Variants in SLC25A26 observed in about 807,000 individuals in gnomAD.
SLC25A26 encodes mitochondrial S-adenosylmethionine carrier protein.
SLC25A26 carries 36 observed loss-of-function variants against 37.8 expected under a neutral mutation model. The observed-to-expected ratio is 0.95, with a 90% CI of 0.73 to 1.26. The LOEUF (loss-of-function observed/expected upper bound fraction) is 1.26, where lower values mean the gene tolerates loss of function less well. SLC25A26 is among the 50% of genes most tolerant of loss of function. SLC25A26 has a pLI of 0.00. For synonymous variants in SLC25A26, 129 were observed against 122.5 expected, an observed-to-expected ratio of 1.05 and a Z score of -0.35; for missense variants, 390 against 331.1, an observed-to-expected ratio of 1.18 and a Z score of -1.38.
At chr3:66,318,295 C>T (rs1245537475) in intron 5 of SLC25A26, among the ~76,000 whole-genome samples, 1 of 152,144 alleles carries the variant, frequency 6.6e-6, no homozygotes, top group Non-Finnish European at 1.5e-5. Context: ...GACCCAAGGC[C>T]CTGGATGCAT....
chr3:66,291,285 G>GA (rs923664270), intron 5 of SLC25A26, among the ~76,000 whole-genome samples: 3 of 151,858 alleles, frequency 2.0e-5, no homozygotes, highest in Non-Finnish European at 2.9e-5. Flanking sequence ...TGTGTTTTTG[G>GA]GGGGTTTTTT....
At chr3:66,227,435 C>G (rs2071810440) in intron 1 of SLC25A26, among the ~76,000 whole-genome samples, 1 of 152,098 alleles carries the variant, frequency 6.6e-6, no homozygotes. Flanking sequence ...GAGGTAACAA[C>G]TATTTGCTGT....
At chr3:66,376,154 G>A (rs1470654660) in intron 9 of SLC25A26, among the ~76,000 whole-genome samples, 1 of 151,700 alleles carries the variant, frequency 6.6e-6, no homozygotes, top group African/African-American at 2.4e-5. Context: ...CGGATGAGGA[G>A]TTGGTTCTTA....
chr3:66,164,754 A>C (rs572991578), intron 1 of SLC25A26, among the ~76,000 whole-genome samples: 12 of 152,320 alleles, frequency 7.9e-5, no homozygotes, highest in African/African-American at 2.9e-4. Context: ...ATGTAAAAAC[A>C]GGCTGTGGGC....
intron 5 of SLC25A26, among the ~76,000 whole-genome samples, chr3:66,275,694 C>T (rs983873130): frequency 6.6e-6 from 1 of 152,080 alleles, no homozygotes; most frequent in Non-Finnish European, 1.5e-5. Context: ...GATAAACTGT[C>T]TGTACTTCCA....
chr3:66,217,582 C>G (rs1421649680), upstream of SLC25A26, among the ~76,000 whole-genome samples: 1 of 150,728 alleles, frequency 6.6e-6, no homozygotes, highest in Non-Finnish European at 1.5e-5. Context: ...GAGTCTTGCT[C>G]TTGTCACCCA....
At chr3:66,257,825 A>G (rs2073364339) in intron 3 of SLC25A26, among the ~76,000 whole-genome samples, 2 of 152,192 alleles carry the variant, frequency 1.3e-5, no homozygotes. Flanking sequence ...TCAATCCCTT[A>G]TGAATTGACC....
intron 5 of SLC25A26, among the ~76,000 whole-genome samples, chr3:66,306,777 T>G (rs2075237167): frequency 6.6e-6 from 1 of 152,200 alleles, no homozygotes; most frequent in Non-Finnish European, 1.5e-5. Flanking sequence ...TGTTCCTGTG[T>G]TAGTTTGCTG....
intron 5 of SLC25A26, among the ~76,000 whole-genome samples, chr3:66,274,196 T>G (rs915723166): frequency 7.2e-5 from 11 of 151,946 alleles, no homozygotes; most frequent in Non-Finnish European, 1.5e-4. Context: ...TGGCTAGCCA[T>G]ATGTAGAAAG....
At chr3:66,265,508 C>T (rs75160502) in intron 5 of SLC25A26, among the ~76,000 whole-genome samples, 1,685 of 152,152 alleles carry the variant, frequency 0.011, 34 homozygotes, top group African/African-American at 0.039. Context: ...TCTGCATCTG[C>T]GTTTTCTATT....
chr3:66,277,594 T>C (rs1200172247), intron 5 of SLC25A26, among the ~76,000 whole-genome samples: 1 of 152,132 alleles, frequency 6.6e-6, no homozygotes, highest in Non-Finnish European at 1.5e-5. Flanking sequence ...ATCACATTGC[T>C]CACTTTAATA....
At chr3:66,197,110 A>C (rs2071054693) in intron 1 of SLC25A26, among the ~76,000 whole-genome samples, 1 of 152,202 alleles carries the variant, frequency 6.6e-6, no homozygotes, top group Non-Finnish European at 1.5e-5. Flanking sequence ...CTAAAAAGCA[A>C]TAAGAAGTTT....
intron 5 of SLC25A26, among the ~76,000 whole-genome samples, chr3:66,292,202 T>TGA: frequency 6.6e-6 from 1 of 152,292 alleles, no homozygotes. Flanking sequence ...TCTTTGCACA[T>TGA]GAGATGGGCC....
chr3:66,363,818 CTT>C (rs2076766468), intron 7 of SLC25A26, among the ~76,000 whole-genome samples: 1 of 152,106 alleles, frequency 6.6e-6, no homozygotes, highest in African/African-American at 2.4e-5. Context: ...TTATAGTACT[CTT>C]TATTAATAGA....
chr3:66,278,773 C>T (rs2074241087), intron 5 of SLC25A26, among the ~76,000 whole-genome samples: 1 of 152,146 alleles, frequency 6.6e-6, no homozygotes, highest in Non-Finnish European at 1.5e-5. Flanking sequence ...CCACCTTGTC[C>T]TCCTTAACCT....
intron 3 of SLC25A26, 26 bp downstream of exon 3, chr3:66,243,338 A>G (rs2093743552): frequency 2.5e-6 from 3 of 1,178,362 alleles, no homozygotes; most frequent in Non-Finnish European, 2.5e-6. Context: ...TGTGTATAAA[A>G]TACTTCAGAA....
At chr3:66,184,374 A>G (rs1461371571) in intron 1 of SLC25A26, among the ~76,000 whole-genome samples, 1 of 151,796 alleles carries the variant, frequency 6.6e-6, no homozygotes, top group Non-Finnish European at 1.5e-5. Flanking sequence ...ACCCTGACCC[A>G]GACCATCACC....
At chr3:66,153,710 G>A (rs544061097) in intron 1 of SLC25A26, among the ~76,000 whole-genome samples, 1 of 152,314 alleles carries the variant, frequency 6.6e-6, no homozygotes, top group South Asian at 2.1e-4. Context: ...CACCAGCAGT[G>A]GGTGTGGAGA....
At chr3:66,230,700 T>G (rs2071974906) in intron 1 of SLC25A26, among the ~76,000 whole-genome samples, 1 of 147,616 alleles carries the variant, frequency 6.8e-6, no homozygotes. Flanking sequence ...AGCTACTTGG[T>G]AGGCTGAGGC....
Sources: gnomAD v4.1 joint callset for allele counts (sites outside exome capture counted in the v4.1 genomes callset) on GRCh38, gnomAD v4.1.1 for gene constraint, MANE v1.5 for transcripts, NCBI Gene and HGNC (gene_info 2026-07-23, HGNC 2026-07-21) for gene names.